Variants in CAMTA1 observed in about 807,000 individuals in gnomAD.
The protein encoded by CAMTA1 is calmodulin binding transcription activator 1, also known as calmodulin-binding transcription activator 1.
A neutral mutation model predicts 170.9 loss-of-function variants in CAMTA1; 27 were observed. The observed-to-expected ratio is 0.16, with a 90% CI of 0.12 to 0.22. The LOEUF (loss-of-function observed/expected upper bound fraction) is 0.22, where lower values mean the gene tolerates loss of function less well. Ranked by LOEUF, CAMTA1 falls within the 10% of genes least tolerant of loss-of-function variation. The pLI is 1.00. For synonymous variants in CAMTA1, 833 were observed against 891.5 expected, an observed-to-expected ratio of 0.93 and a Z score of 1.17; for missense variants, 1,619 against 2,217.2, an observed-to-expected ratio of 0.73 and a Z score of 5.42.
chr1:6,890,759 T>A (rs1674342668), intron 3 of CAMTA1, among the ~76,000 whole-genome samples: 1 of 151,826 alleles, frequency 6.6e-6, no homozygotes, highest in South Asian at 2.1e-4. Context: ...TTCTGTGGAG[T>A]CGAGGTCTTG....
At chr1:7,011,468 G>A (rs1242555443) in intron 3 of CAMTA1, among the ~76,000 whole-genome samples, 2 of 151,876 alleles carry the variant, frequency 1.3e-5, no homozygotes, top group Non-Finnish European at 2.9e-5. Context: ...GAGACCCTTC[G>A]CCCTCCTATC....
intron 6 of CAMTA1, among the ~76,000 whole-genome samples, chr1:7,620,293 C>T (rs1421088289): frequency 1.3e-5 from 2 of 152,186 alleles, no homozygotes; most frequent in Non-Finnish European, 2.9e-5. Context: ...GCTGAGCATC[C>T]TCTATTGCAC....
At chr1:7,322,867 T>C (rs968963032) in intron 5 of CAMTA1, among the ~76,000 whole-genome samples, 3 of 152,166 alleles carry the variant, frequency 2.0e-5, no homozygotes, top group South Asian at 4.1e-4. Context: ...TGATCCCTTC[T>C]CTTGTATGCT....
Position 7,036,985 on chromosome 1 carries a change from AG to A in CAMTA1, c.235-54317del, listed in dbSNP as rs1198047298. Among the ~76,000 whole-genome samples the A allele has an allele frequency of 2.0e-5, 3 of 152,248 alleles. 1 individual carries two copies. Among genetic ancestry groups the A allele is most frequent in the Non-Finnish European group, 4.4e-5 (3 of 68,044 alleles). Reference sequence around the variant, plus strand: ...CGGGGCTGGTACTACAGCCTGCTATAGGAAGACTTCTTCATCGGTTTTATAA... The same window carrying A: ...CGGGGCTGGTACTACAGCCTGCTATAGAAGACTTCTTCATCGGTTTTATAA... On this transcript the variant is annotated intron_variant, in intron 3 of 22. Transcript: ENST00000303635.
At chr1:7,062,765 C>T (rs1352630929) in intron 3 of CAMTA1, among the ~76,000 whole-genome samples, 1 of 152,230 alleles carries the variant, frequency 6.6e-6, no homozygotes, top group African/African-American at 2.4e-5. Flanking sequence ...GTCCAGGTAC[C>T]GGCAGGGCCA....
intron 5 of CAMTA1, among the ~76,000 whole-genome samples, chr1:7,276,996 G>A (rs1402530127): frequency 6.6e-6 from 1 of 152,094 alleles, no homozygotes; most frequent in Non-Finnish European, 1.5e-5. Flanking sequence ...AATATTTTAG[G>A]ATCAAATTAA....
chr1:7,498,358 AGT>A (rs565701036), intron 6 of CAMTA1, among the ~76,000 whole-genome samples: 357 of 138,398 alleles, frequency 2.6e-3, no homozygotes, highest in African/African-American at 9.8e-3. Context: ...GTGTAGAGTG[AGT>A]GTGGATGTGT....
At chr1:7,020,329 A>G (rs1193585147) in intron 3 of CAMTA1, among the ~76,000 whole-genome samples, 1 of 152,186 alleles carries the variant, frequency 6.6e-6, no homozygotes, top group Admixed American at 6.5e-5. Context: ...CATACTTACC[A>G]TGTGTAACAG....
chr1:7,330,185 G>A (rs1322986323), intron 5 of CAMTA1, among the ~76,000 whole-genome samples: 1 of 152,202 alleles, frequency 6.6e-6, no homozygotes, highest in African/African-American at 2.4e-5. Context: ...CTGAAATCCA[G>A]GCTCTGCACG....
intron 4 of CAMTA1, among the ~76,000 whole-genome samples, chr1:7,229,998 T>G (rs1662430935): frequency 6.6e-6 from 1 of 151,926 alleles, no homozygotes; most frequent in Non-Finnish European, 1.5e-5. Context: ...AAGGCCCTGG[T>G]GAAGTGTTCC....
chr1:7,130,938 T>C (rs1645212413), intron 4 of CAMTA1, among the ~76,000 whole-genome samples: 1 of 152,128 alleles, frequency 6.6e-6, no homozygotes, highest in African/African-American at 2.4e-5. Flanking sequence ...ATTTTCTGAG[T>C]TTGTTCCTTG....
intron 7 of CAMTA1, among the ~76,000 whole-genome samples, chr1:7,658,869 C>G (rs1355914067): frequency 5.3e-5 from 8 of 152,218 alleles, no homozygotes; most frequent in Non-Finnish European, 1.2e-4. Flanking sequence ...AGAATTCCTC[C>G]AGGGAGCCCA....
intron 3 of CAMTA1, among the ~76,000 whole-genome samples, chr1:6,958,398 C>G (rs1192535689): frequency 6.6e-6 from 1 of 152,218 alleles, no homozygotes; most frequent in African/African-American, 2.4e-5. Flanking sequence ...CCCCTGGCCA[C>G]CTCTGCTCTT....
At chr1:7,035,587 T>A (rs985748172) in intron 3 of CAMTA1, among the ~76,000 whole-genome samples, 38 of 152,320 alleles carry the variant, frequency 2.5e-4, no homozygotes, top group African/African-American at 9.1e-4. Flanking sequence ...CCACGGTTGC[T>A]TTTGCTCCAG....
At chr1:6,949,922 A>G (rs1688193916) in intron 3 of CAMTA1, among the ~76,000 whole-genome samples, 1 of 152,238 alleles carries the variant, frequency 6.6e-6, no homozygotes, top group Non-Finnish European at 1.5e-5. Context: ...CCCATGGGAC[A>G]GGAAAAGGCA....
chr1:7,526,341 C>A (rs1340875018), intron 6 of CAMTA1, among the ~76,000 whole-genome samples: 2 of 152,104 alleles, frequency 1.3e-5, no homozygotes, highest in African/African-American at 4.8e-5. Context: ...AAGCCCCAGG[C>A]CCACCTCTGC....
intron 6 of CAMTA1, among the ~76,000 whole-genome samples, chr1:7,496,430 G>C (rs954333431): frequency 1.3e-5 from 2 of 152,180 alleles, no homozygotes; most frequent in Admixed American, 1.3e-4. Context: ...AGTCCCGTGT[G>C]CACTGTCTGT....
intron 3 of CAMTA1, among the ~76,000 whole-genome samples, chr1:6,954,041 G>A (rs10864253): frequency 0.43 from 65,134 of 151,828 alleles, 14,431 homozygotes; most frequent in Non-Finnish European, 0.49. Flanking sequence ...GGATGCCTGC[G>A]TGGCTTGAAC....
At chr1:7,278,505 G>A (rs1671054293) in intron 5 of CAMTA1, among the ~76,000 whole-genome samples, 1 of 152,206 alleles carries the variant, frequency 6.6e-6, no homozygotes, top group Admixed American at 6.5e-5. Context: ...GGCATTATCT[G>A]AATTTTACAA....
Sources: gnomAD v4.1 joint callset for allele counts (sites outside exome capture counted in the v4.1 genomes callset) on GRCh38, gnomAD v4.1.1 for gene constraint, MANE v1.5 for transcripts, NCBI Gene and HGNC (gene_info 2026-07-23, HGNC 2026-07-21) for gene names.